OXR1: variants seen among roughly 807,000 people sequenced by gnomAD.
OXR1 encodes the protein oxidation resistance 1, also known as oxidation resistance protein 1.
In OXR1, 41 loss-of-function variants were observed where a neutral mutation model predicts 104.6. The ratio of observed to expected loss-of-function variants is 0.39; its 90% CI spans 0.31 to 0.51. OXR1 has a LOEUF of 0.51. Among genes scored for constraint, OXR1 ranks in the 20% least tolerant of loss-of-function variants. OXR1 has a pLI of 0.77. For synonymous variants in OXR1, 348 were observed against 348.4 expected, an observed-to-expected ratio of 1.00 and a Z score of 0.01; for missense variants, 955 against 1,031.9, an observed-to-expected ratio of 0.93 and a Z score of 1.02.
chr8:106,271,232 C>T (rs764360459), intron 1 of OXR1, among the ~76,000 whole-genome samples: 24 of 152,150 alleles, frequency 1.6e-4, no homozygotes, highest in Non-Finnish European at 3.4e-4. Flanking sequence ...CACTTTCACC[C>T]CTGGCTCCTC....
chr8:106,342,971 A>G (rs1393128978), intron 1 of OXR1, among the ~76,000 whole-genome samples: 2 of 152,150 alleles, frequency 1.3e-5, no homozygotes, highest in Non-Finnish European at 2.9e-5. Context: ...CCTTGCCTCT[A>G]CTGGAAGTCC....
chr8:106,567,386 T>C (rs1223618771), intron 3 of OXR1, among the ~76,000 whole-genome samples: 1 of 152,188 alleles, frequency 6.6e-6, no homozygotes, highest in Admixed American at 6.5e-5. Flanking sequence ...GTGTGCTTTA[T>C]ACAGATGCTT....
intron 2 of OXR1, among the ~76,000 whole-genome samples, chr8:106,509,622 T>A (rs896525075): frequency 5.9e-5 from 9 of 152,206 alleles, no homozygotes; most frequent in African/African-American, 2.2e-4. Context: ...AGAAAATTTT[T>A]GCATGATGAT....
At chr8:106,681,302 T>A (rs189009029) in intron 4 of OXR1, among the ~76,000 whole-genome samples, 6 of 152,322 alleles carry the variant, frequency 3.9e-5, no homozygotes, top group Non-Finnish European at 2.9e-5. Context: ...AGGTTTTATA[T>A]CAGTACATTG....
At chr8:106,537,180 C>T (rs562601813) in intron 3 of OXR1, among the ~76,000 whole-genome samples, 19 of 152,058 alleles carry the variant, frequency 1.2e-4, no homozygotes, top group Non-Finnish European at 2.2e-4. Flanking sequence ...TCCCAAAGGC[C>T]TCATTACTTA....
intron 2 of OXR1, among the ~76,000 whole-genome samples, chr8:106,429,273 A>T (rs1458409322): frequency 6.6e-6 from 1 of 152,034 alleles, no homozygotes; most frequent in Non-Finnish European, 1.5e-5. Context: ...GGAGTGGAGG[A>T]TGCCGGCCCA....
rs1358868574 is a variant in OXR1 at position 106,670,689 on chromosome 8, AGTCAAAAGGGAAT to A, written c.221-8518_221-8506del. Among the ~76,000 whole-genome samples, 3 of 152,330 alleles carry A rather than the reference AGTCAAAAGGGAAT, an allele frequency of 2.0e-5. No homozygotes were observed. The East Asian group carries it at 5.8e-4, about 29-fold the overall frequency. ...GAAAGAATTCCCTAACTGAAAGGTA[AGTCAAAAGGGAAT>A]GTTCAGAGTAAACAGGAAAGAGGAA... On this transcript the variant is annotated intron_variant, in intron 3 of 16. Transcript: ENST00000517566.
intron 1 of OXR1, among the ~76,000 whole-genome samples, chr8:106,298,500 T>C (rs764792080): frequency 2.6e-5 from 4 of 152,182 alleles, no homozygotes; most frequent in African/African-American, 4.8e-5. Context: ...TGAGAATTTG[T>C]TGGGGACCCA....
chr8:106,615,691 T>C (rs1285985679), intron 3 of OXR1, among the ~76,000 whole-genome samples: 1 of 152,062 alleles, frequency 6.6e-6, no homozygotes, highest in Non-Finnish European at 1.5e-5. Context: ...TCTGCAGCTA[T>C]GCTGAATGAT....
chr8:106,404,191 G>A (rs980606635), intron 2 of OXR1, among the ~76,000 whole-genome samples: 3 of 152,090 alleles, frequency 2.0e-5, no homozygotes, highest in Non-Finnish European at 4.4e-5. Context: ...TGGGAGTAAG[G>A]AAGCCACTTC....
chr8:106,717,292 A>G (rs1832359168), intron 11 of OXR1, among the ~76,000 whole-genome samples: 2 of 152,198 alleles, frequency 1.3e-5, no homozygotes, highest in South Asian at 4.1e-4. Context: ...AAACAGGAAG[A>G]ATTTGGCTAA....
chr8:106,462,286 A>G (rs761396289), intron 2 of OXR1, among the ~76,000 whole-genome samples: 13 of 152,228 alleles, frequency 8.5e-5, no homozygotes, highest in Non-Finnish European at 1.9e-4. Flanking sequence ...TTTAAAAGTT[A>G]CAAGGTTTAC....
At chr8:106,585,567 G>T (rs1586850610) in intron 3 of OXR1, among the ~76,000 whole-genome samples, 1 of 152,042 alleles carries the variant, frequency 6.6e-6, no homozygotes, top group Non-Finnish European at 1.5e-5. Flanking sequence ...TTACATATCA[G>T]CAGAAGGCAA....
chr8:106,722,886 TA>T (rs1008314939), intron 11 of OXR1, among the ~76,000 whole-genome samples: 2 of 152,230 alleles, frequency 1.3e-5, no homozygotes, highest in African/African-American at 4.8e-5. Context: ...TGTTTTCTTT[TA>T]TTAGCATTTG....
chr8:106,602,091 C>G (rs1046180687), intron 3 of OXR1, among the ~76,000 whole-genome samples: 1 of 152,188 alleles, frequency 6.6e-6, no homozygotes. Context: ...AGGCTCAGAT[C>G]TGAGATTGCA....
At chr8:106,501,048 G>C (rs1300861993) in intron 2 of OXR1, among the ~76,000 whole-genome samples, 1 of 152,174 alleles carries the variant, frequency 6.6e-6, no homozygotes, top group African/African-American at 2.4e-5. Context: ...GTTGAGACCA[G>C]CATGACAAAA....
At chr8:106,593,422 A>G (rs1353470366) in intron 3 of OXR1, among the ~76,000 whole-genome samples, 2 of 152,250 alleles carry the variant, frequency 1.3e-5, no homozygotes, top group Admixed American at 1.3e-4. Context: ...GAAACAGCAC[A>G]TCACATCTAG....
intron 2 of OXR1, among the ~76,000 whole-genome samples, chr8:106,432,649 T>C (rs975664628): frequency 1.2e-4 from 19 of 152,188 alleles, no homozygotes; most frequent in African/African-American, 4.6e-4. Context: ...CCAAGGTTTT[T>C]TTTTTCTGCA....
Position 106,703,104 on chromosome 8 carries a change from T to C in OXR1, c.860+14T>C, listed in dbSNP as rs1258501365. ...ATCTTTACCCATGTAAGAGTGATAT[T>C]TATATTCCTTTGCAACTTTATTGTA... is the stretch of plus-strand genomic sequence containing the variant. On this transcript the variant is annotated intron_variant, in intron 8 of 16. Coordinates refer to ENST00000517566, the MANE Select transcript of OXR1 (RefSeq NM_001198533.2). The C allele has an allele frequency of 6.4e-7, 1 of 1,558,350 alleles. No individual in the cohort carries two copies. Among genetic ancestry groups the C allele is most frequent in the African/African-American group, 1.4e-5 (1 of 73,832 alleles).
Sources: gnomAD v4.1 joint callset for allele counts (sites outside exome capture counted in the v4.1 genomes callset) on GRCh38, gnomAD v4.1.1 for gene constraint, MANE v1.5 for transcripts, NCBI Gene and HGNC (gene_info 2026-07-23, HGNC 2026-07-21) for gene names.